The following CNTNAP2 variants were observed in gnomAD, a reference collection of about 807,000 sequenced individuals.
The protein encoded by CNTNAP2 is contactin-associated protein-like 2.
Under a neutral mutation model 155.2 loss-of-function variants are expected in CNTNAP2, and 98 were observed. The observed-to-expected ratio is 0.63, with a 90% confidence interval of 0.54 to 0.75. The LOEUF (loss-of-function observed/expected upper bound fraction) is 0.75, where lower values mean the gene tolerates loss of function less well. Among genes scored for constraint, CNTNAP2 ranks in the 30% least tolerant of loss-of-function variants. The pLI, the probability that CNTNAP2 is intolerant of heterozygous loss-of-function variation, is 0.00. For missense variants in CNTNAP2, 1,727 were observed against 1,688.1 expected (o/e 1.02, Z -0.40); for synonymous variants, 651 against 631.2 (o/e 1.03, Z -0.47).
At chr7:146,961,954 T>C (rs562384842) in intron 3 of CNTNAP2, among the ~76,000 whole-genome samples, 2 of 152,250 alleles carry the variant, frequency 1.3e-5, no homozygotes, top group African/African-American at 2.4e-5. Flanking sequence ...ATAGAGAGAC[T>C]TAGGCAATTA....
intron 1 of CNTNAP2, among the ~76,000 whole-genome samples, chr7:146,381,636 G>A (rs893175375): frequency 1.3e-5 from 2 of 152,138 alleles, no homozygotes; most frequent in South Asian, 2.1e-4. Context: ...ATTAGACATC[G>A]GGGTTTTATG....
At chr7:147,030,275 T>C (rs1441463941) in intron 3 of CNTNAP2, among the ~76,000 whole-genome samples, 1 of 152,210 alleles carries the variant, frequency 6.6e-6, no homozygotes, top group African/African-American at 2.4e-5. Flanking sequence ...GAACACTTCA[T>C]TCTTTATGTA....
At chr7:148,170,255 A>G (rs777625311) in intron 17 of CNTNAP2, among the ~76,000 whole-genome samples, 5 of 152,250 alleles carry the variant, frequency 3.3e-5, no homozygotes, top group Non-Finnish European at 7.3e-5. Flanking sequence ...TTGATAGAAT[A>G]TAATTGTCTT....
At chr7:146,697,718 G>C (rs1279465452) in intron 1 of CNTNAP2, among the ~76,000 whole-genome samples, 1 of 151,722 alleles carries the variant, frequency 6.6e-6, no homozygotes, top group East Asian at 1.9e-4. Flanking sequence ...CCCATAGTAG[G>C]TTCTTGTTTT....
chr7:147,304,464 T>G (rs565418761), intron 9 of CNTNAP2, among the ~76,000 whole-genome samples: 1 of 152,356 alleles, frequency 6.6e-6, no homozygotes, highest in Non-Finnish European at 1.5e-5. Flanking sequence ...AGTATGATTT[T>G]TAAATTTCTA....
intron 12 of CNTNAP2, among the ~76,000 whole-genome samples, chr7:147,614,041 C>T (rs1024508002): frequency 6.6e-6 from 1 of 152,080 alleles, no homozygotes. Context: ...GCATTTATGT[C>T]AAGTTTACAT....
intron 13 of CNTNAP2, among the ~76,000 whole-genome samples, chr7:147,664,529 T>C (rs1010531490): frequency 1.3e-5 from 2 of 152,342 alleles, no homozygotes; most frequent in African/African-American, 4.8e-5. Flanking sequence ...TCAGCCTTTT[T>C]TTCGCCTTCA....
intron 1 of CNTNAP2, among the ~76,000 whole-genome samples, chr7:146,249,920 C>T (rs557414892): frequency 6.6e-6 from 1 of 152,102 alleles, no homozygotes; most frequent in East Asian, 1.9e-4. Flanking sequence ...ATTTTGAATG[C>T]TACGTCTTAG....
At chr7:146,169,620 C>T (rs983815621) in intron 1 of CNTNAP2, among the ~76,000 whole-genome samples, 5 of 151,956 alleles carry the variant, frequency 3.3e-5, no homozygotes, top group African/African-American at 1.2e-4. Flanking sequence ...AACATTTCTC[C>T]ATTTCCCATA....
At chr7:146,430,919 C>T (rs1271282744) in intron 1 of CNTNAP2, among the ~76,000 whole-genome samples, 4 of 151,956 alleles carry the variant, frequency 2.6e-5, no homozygotes, top group East Asian at 1.9e-4. Flanking sequence ...TTAATCTATT[C>T]GTCGTCACTG....
At chr7:148,300,732 C>G (rs966929353) in intron 21 of CNTNAP2, among the ~76,000 whole-genome samples, 5 of 152,102 alleles carry the variant, frequency 3.3e-5, no homozygotes, top group African/African-American at 1.2e-4. Context: ...ATGGGTGAAC[C>G]TTAACATTGT....
intron 1 of CNTNAP2, among the ~76,000 whole-genome samples, chr7:146,237,969 G>T (rs972218559): frequency 1.3e-5 from 2 of 152,138 alleles, no homozygotes; most frequent in African/African-American, 4.8e-5. Flanking sequence ...ATCTATTACA[G>T]TTTCAAATCT....
intron 13 of CNTNAP2, among the ~76,000 whole-genome samples, chr7:147,888,738 T>A (rs1799638539): frequency 6.7e-6 from 1 of 149,494 alleles, no homozygotes; most frequent in Admixed American, 6.8e-5. Context: ...TGTGAGAAAA[T>A]AACCATTGAC....
At chr7:146,524,955 T>C (rs1308046638) in intron 1 of CNTNAP2, among the ~76,000 whole-genome samples, 1 of 152,140 alleles carries the variant, frequency 6.6e-6, no homozygotes, top group Non-Finnish European at 1.5e-5. Context: ...ACTATTTTCC[T>C]GGAGTTTCTA....
chr7:147,092,624 C>T (rs1007603856), intron 4 of CNTNAP2, among the ~76,000 whole-genome samples: 2 of 152,206 alleles, frequency 1.3e-5, no homozygotes, highest in African/African-American at 2.4e-5. Context: ...AGAATATTTT[C>T]TACAAAGTCA....
intron 13 of CNTNAP2, among the ~76,000 whole-genome samples, chr7:147,698,339 C>T (rs1796190448): frequency 1.3e-5 from 2 of 152,146 alleles, no homozygotes; most frequent in African/African-American, 4.8e-5. Context: ...TTAACAGTTG[C>T]CTCTTGTGAG....
At position 146,393,084 on chromosome 7, in the gene CNTNAP2, G is replaced by C. The variant is rs113864840; in HGVS notation, c.97+276111G>C. On this transcript the variant is annotated intron_variant, in intron 1 of 23. Coordinates refer to ENST00000361727, the MANE Select transcript of CNTNAP2 (RefSeq NM_014141.6). ...AAATGAAGAAAATAGTGCTTTTTGC[G>C]CTTCTATTATCTTCTAACTGATAAC... 7.1e-3 allele frequency among the ~76,000 whole-genome samples: 1,088 copies of C among 152,186 alleles called. 13 individuals carry two copies. The highest frequency in any genetic ancestry group is 0.025 in the African/African-American group (1,032 of 41,524).
At chr7:148,055,572 G>T (rs970919495) in intron 15 of CNTNAP2, among the ~76,000 whole-genome samples, 1 of 152,138 alleles carries the variant, frequency 6.6e-6, no homozygotes, top group Non-Finnish European at 1.5e-5. Flanking sequence ...TTCCAGATTA[G>T]GCACCTAATG....
intron 1 of CNTNAP2, among the ~76,000 whole-genome samples, chr7:146,715,084 A>G (rs1221264994): frequency 6.6e-6 from 1 of 152,136 alleles, no homozygotes; most frequent in Non-Finnish European, 1.5e-5. Flanking sequence ...TAATCCCAGC[A>G]CTTTGGGAGA....
Sources: gnomAD v4.1 joint callset for allele counts (sites outside exome capture counted in the v4.1 genomes callset) on GRCh38, gnomAD v4.1.1 for gene constraint, MANE v1.5 for transcripts, NCBI Gene and HGNC (gene_info 2026-07-23, HGNC 2026-07-21) for gene names.